VAV1: variants seen among roughly 807,000 people sequenced by gnomAD.
VAV1 encodes the protein vav guanine nucleotide exchange factor 1.
A neutral mutation model predicts 128.1 loss-of-function variants in VAV1; 33 were observed. The observed-to-expected ratio is 0.26, with a 90% confidence interval of 0.20 to 0.34. VAV1 has a LOEUF of 0.34. Among genes scored for constraint, VAV1 ranks in the 10% least tolerant of loss-of-function variants. The pLI is 1.00. For synonymous variants in VAV1, 394 were observed against 409.8 expected (o/e 0.96, Z 0.47); for missense variants, 715 against 1,093.7 (o/e 0.65, Z 4.88).
chr19:6,843,026 C>G (rs184494650), intron 21 of VAV1, 109 bp from the exon 22 acceptor site: 38 of 1,225,026 alleles, frequency 3.1e-5, no homozygotes, highest in Non-Finnish European at 1.2e-6. Context: ...AATAGGCACT[C>G]ACTAAATGCA....
intron 1 of VAV1, among the ~76,000 whole-genome samples, chr19:6,794,747 T>A (rs963015062): frequency 2.6e-5 from 4 of 152,196 alleles, no homozygotes; most frequent in African/African-American, 7.2e-5. Context: ...GTTATTGCTG[T>A]GAAACAAACC....
intron 1 of VAV1, among the ~76,000 whole-genome samples, chr19:6,794,719 C>A (rs554987233): frequency 6.6e-6 from 1 of 152,226 alleles, no homozygotes; most frequent in African/African-American, 2.4e-5. Context: ...TTGGCACCAT[C>A]ATATATTTAG....
intron 1 of VAV1, among the ~76,000 whole-genome samples, chr19:6,795,378 A>G (rs2617816): frequency 0.22 from 33,452 of 152,000 alleles, 3,907 homozygotes; most frequent in African/African-American, 0.3. Context: ...TCGCTCGCGA[A>G]ATAGGAGCCC....
intron 25 of VAV1, among the ~76,000 whole-genome samples, chr19:6,853,525 A>T (rs1194932543): frequency 6.6e-6 from 1 of 151,760 alleles, no homozygotes; most frequent in Non-Finnish European, 1.5e-5. Flanking sequence ...GGAGTTCAAG[A>T]CCAGCCTGGC....
intron 8 of VAV1, among the ~76,000 whole-genome samples, chr19:6,825,966 C>G (rs1568305895): frequency 6.6e-6 from 1 of 152,054 alleles, no homozygotes; most frequent in African/African-American, 2.4e-5. Flanking sequence ...TTGCTTGAAC[C>G]CGGGAGGCGG....
intron 24 of VAV1, among the ~76,000 whole-genome samples, chr19:6,851,667 G>C (rs1972677430): frequency 6.6e-6 from 1 of 152,116 alleles, no homozygotes. Flanking sequence ...CCTTTTGAGG[G>C]TTCTTGCTTC....
intron 21 of VAV1, among the ~76,000 whole-genome samples, chr19:6,841,524 G>T (rs1397056876): frequency 6.7e-6 from 1 of 150,110 alleles, no homozygotes; most frequent in Non-Finnish European, 1.5e-5. Flanking sequence ...CCCCAGGCTG[G>T]AGTGCAATGG....
chr19:6,812,035 T>C (rs745442652), intron 1 of VAV1, among the ~76,000 whole-genome samples: 1 of 152,196 alleles, frequency 6.6e-6, no homozygotes, highest in Non-Finnish European at 1.5e-5. Context: ...CTGAAAGTGA[T>C]GCTTATGACA....
intron 21 of VAV1, among the ~76,000 whole-genome samples, chr19:6,838,883 T>A (rs974921446): frequency 3.3e-5 from 5 of 151,268 alleles, no homozygotes; most frequent in Non-Finnish European, 7.4e-5. Flanking sequence ...TGCAAGCCAT[T>A]ATGCTCAGCT....
intron 14 of VAV1, among the ~76,000 whole-genome samples, chr19:6,830,136 G>C (rs957117994): frequency 6.6e-6 from 1 of 152,156 alleles, no homozygotes; most frequent in Admixed American, 6.5e-5. Context: ...TCGGCTCACC[G>C]CAACCTCCGC....
chr19:6,796,670 C>A (rs1796341154), intron 1 of VAV1, among the ~76,000 whole-genome samples: 1 of 152,224 alleles, frequency 6.6e-6, no homozygotes, highest in African/African-American at 2.4e-5. Context: ...CAAACCTTTA[C>A]TGAAATGCCA....
chr19:6,804,884 C>T (rs939616495), intron 1 of VAV1, among the ~76,000 whole-genome samples: 4 of 151,784 alleles, frequency 2.6e-5, no homozygotes, highest in Admixed American at 6.6e-5. Context: ...CCACCATGCC[C>T]GGCTAATTTT....
chr19:6,823,739 C>G (rs962870507), intron 6 of VAV1, among the ~76,000 whole-genome samples: 22 of 151,994 alleles, frequency 1.4e-4, no homozygotes, highest in Admixed American at 5.9e-4. Flanking sequence ...ATCCCAGGCT[C>G]AGTCTTTTTC....
Position 6,857,199 on chromosome 19 carries a change from G to A in VAV1, c.*92G>A, listed in dbSNP as rs114240386. 7,697 of 1,565,478 alleles carry A rather than the reference G, an allele frequency of 4.9e-3. 336 individuals are homozygous for A. In the African/African-American group the frequency reaches 0.093, roughly 19 times the overall value. ...GCCAGGGGCTGTGACAGCTCCCGGCGGGTGGAGACTTTGGGATGGACTGGA... is the reference window on the plus strand; with the variant it reads ...GCCAGGGGCTGTGACAGCTCCCGGCAGGTGGAGACTTTGGGATGGACTGGA... On this transcript the variant is annotated 3_prime_UTR_variant, in exon 27 of 27. Transcript: ENST00000602142.
intron 1 of VAV1, among the ~76,000 whole-genome samples, chr19:6,783,555 T>C (rs1970815627): frequency 6.7e-6 from 1 of 148,398 alleles, no homozygotes; most frequent in Admixed American, 6.8e-5. Context: ...GTTCAGTGCA[T>C]CACGGCAACC....
At chr19:6,773,161 C>A in intron 1 of VAV1, 150 bp downstream of exon 1, 1 of 1,095,762 alleles carries the variant, frequency 9.1e-7, no homozygotes, top group South Asian at 1.5e-5. Flanking sequence ...AGGGGGTGGT[C>A]ACAATCTGAG....
At chr19:6,833,688 C>G (rs764888832) in intron 17 of VAV1, 23 bp from the exon 18 acceptor site, 40 of 1,614,052 alleles carry the variant, frequency 2.5e-5, no homozygotes, top group Non-Finnish European at 3.4e-5. Context: ...CCCGTTCTCA[C>G]CATTTCCTTT....
At chr19:6,832,240 G>A (rs765770275) in intron 15 of VAV1, 40 bp downstream of exon 15, 2 of 1,600,106 alleles carry the variant, frequency 1.2e-6, no homozygotes, top group African/African-American at 1.3e-5. Flanking sequence ...TCCACAGAGG[G>A]GCAGGGGCTG....
chr19:6,844,541 A>G (rs562782885), intron 22 of VAV1, among the ~76,000 whole-genome samples: 50 of 152,246 alleles, frequency 3.3e-4, no homozygotes, highest in African/African-American at 1.2e-3. Flanking sequence ...CTAAGTGTGT[A>G]CCACATAGTA....
Sources: allele counts gnomAD v4.1 joint callset (sites outside exome capture counted in the v4.1 genomes callset), GRCh38; gene constraint gnomAD v4.1.1; transcripts MANE v1.5; gene names NCBI Gene and HGNC (gene_info 2026-07-23, HGNC 2026-07-21).